Variants in IQSEC1 observed in about 807,000 individuals in gnomAD.
IQSEC1 encodes the protein IQ motif and Sec7 domain ArfGEF 1, also known as IQ motif and SEC7 domain-containing protein 1.
IQSEC1 carries 31 observed loss-of-function variants against 91.0 expected under a neutral mutation model. That is an observed-to-expected ratio of 0.34 (90% CI 0.26 to 0.46). The LOEUF (loss-of-function observed/expected upper bound fraction) is 0.46. IQSEC1 is among the 20% of genes least tolerant of loss of function. IQSEC1 has a pLI of 1.00. For synonymous variants in IQSEC1, 699 were observed against 662.6 expected (o/e 1.05, Z -0.84); for missense variants, 1,388 against 1,575.6 (o/e 0.88, Z 2.02).
chr3:13,194,450 C>T (rs1037444058), intron 1 of IQSEC1, among the ~76,000 whole-genome samples: 16 of 152,190 alleles, frequency 1.1e-4, no homozygotes, highest in African/African-American at 3.9e-4. Context: ...AGTGCCTCCT[C>T]CCAGCGTGCC....
At chr3:12,937,772 C>A (rs574791531) in intron 2 of IQSEC1, among the ~76,000 whole-genome samples, 1 of 152,204 alleles carries the variant, frequency 6.6e-6, no homozygotes, top group Non-Finnish European at 1.5e-5. Flanking sequence ...GTTCGTAAAG[C>A]CCCCAAGCTC....
At chr3:13,278,749 G>T (rs1453807829) in intron 1 of IQSEC1, among the ~76,000 whole-genome samples, 2 of 152,008 alleles carry the variant, frequency 1.3e-5, no homozygotes, top group Non-Finnish European at 2.9e-5. Flanking sequence ...AACCTGGGAG[G>T]CGGAACTTTC....
intron 1 of IQSEC1, among the ~76,000 whole-genome samples, chr3:13,276,453 C>T (rs753317761): frequency 6.6e-6 from 1 of 152,196 alleles, no homozygotes; most frequent in Non-Finnish European, 1.5e-5. Flanking sequence ...TGCGGGGCCA[C>T]AGGCAACTCC....
intron 1 of IQSEC1, among the ~76,000 whole-genome samples, chr3:13,218,707 C>T (rs1231080768): frequency 6.6e-6 from 1 of 152,170 alleles, no homozygotes; most frequent in African/African-American, 2.4e-5. Flanking sequence ...TCGGGGAGAC[C>T]CCTGACTGCC....
At chr3:12,978,226 T>A (rs186108506) in intron 1 of IQSEC1, among the ~76,000 whole-genome samples, 15 of 152,276 alleles carry the variant, frequency 9.9e-5, no homozygotes, top group African/African-American at 3.4e-4. Flanking sequence ...ACACAGCCCA[T>A]GTGATGAAGC....
chr3:13,191,477 A>ATTTTTTTTTTTTTTT (rs57912681), intron 1 of IQSEC1, among the ~76,000 whole-genome samples: 6 of 92,102 alleles, frequency 6.5e-5, no homozygotes, highest in African/African-American at 2.2e-4. Context: ...CACCCAGCTA[A>ATTTTTTTTTTTTTTT]TTTTTTTTTT....
chr3:13,069,234 T>C (rs1705335405), intron 1 of IQSEC1, among the ~76,000 whole-genome samples: 1 of 152,000 alleles, frequency 6.6e-6, no homozygotes, highest in Non-Finnish European at 1.5e-5. Context: ...AGACTGGGCC[T>C]CCGGTTCCCT....
chr3:13,276,860 TG>T lies in IQSEC1; in HGVS notation c.272+5850del, dbSNP rs201288116. ...AGCTTCAAGTCATTTGGTTGCAGCC[TG>T]GCCCGGGTCTGCCCTGGGTGGGGGC... On this transcript the variant is annotated intron_variant, in intron 1 of 15. Transcript: ENST00000648114. 9.0e-3 allele frequency among the ~76,000 whole-genome samples: 1,373 copies of T among 152,260 alleles called. 8 individuals are homozygous for T. Among genetic ancestry groups the T allele is most frequent in the Non-Finnish European group, 0.012 (848 of 68,014 alleles).
rs1695767104 is a variant in IQSEC1 at position 13,280,436 on chromosome 3, C to T, written c.272+2275G>A. Among the ~76,000 whole-genome samples the T allele has an allele frequency of 2.6e-5, 4 of 152,222 alleles. No homozygotes were observed. The South Asian group carries it at 6.2e-4, about 24-fold the overall frequency. ...TGAGCAGCCCCGGGGGGGCCCAGAA[C>T]CCCACGCATGTGAGCAGGCCATGTG... On this transcript the variant is annotated intron_variant, in intron 1 of 15. Transcript: ENST00000648114.
At position 13,191,477 on chromosome 3, in the gene IQSEC1, A is replaced by ATT. The variant is rs57912681; in HGVS notation, c.273-27346_273-27345dup. 1.2e-3 allele frequency among the ~76,000 whole-genome samples: 113 copies of ATT among 92,096 alleles called. 1 individual carries two copies. The highest frequency in any genetic ancestry group is 2.2e-3 in the African/African-American group (50 of 23,132). 60.4% of individuals were successfully genotyped at this position (92,096 alleles called of 152,430 possible). A position where few individuals can be genotyped will look rare whatever the true frequency, so the allele number is the denominator to read the frequency against. Reference sequence around the variant, plus strand: ...AGCTCCCAGTCCCCACACCCAGCTAATTTTTTTTTTTTTTTTTTTTTTTTT... The same window carrying ATT: ...AGCTCCCAGTCCCCACACCCAGCTAATTTTTTTTTTTTTTTTTTTTTTTTTTT... On this transcript the variant is annotated intron_variant, in intron 1 of 15. Coordinates refer to the IQSEC1 transcript ENST00000648114.
chr3:13,053,037 A>G (rs190131639), intron 1 of IQSEC1: 322 of 1,133,632 alleles, frequency 2.8e-4, no homozygotes, highest in Admixed American at 5.9e-4. Context: ...ACCAGTTTTC[A>G]TCCGAATCCA....
intron 1 of IQSEC1, among the ~76,000 whole-genome samples, chr3:13,225,283 G>A (rs1694732671): frequency 1.3e-5 from 2 of 152,354 alleles, no homozygotes; most frequent in African/African-American, 4.8e-5. Flanking sequence ...GCCCCATGGT[G>A]CCTTTTGATC....
chr3:13,057,550 T>C (rs1162098841), intron 1 of IQSEC1, among the ~76,000 whole-genome samples: 2 of 152,230 alleles, frequency 1.3e-5, no homozygotes, highest in East Asian at 1.9e-4. Flanking sequence ...CACGGGCTCT[T>C]CCAGTGAGTG....
At chr3:13,231,521 G>A (rs1694838935) in intron 1 of IQSEC1, among the ~76,000 whole-genome samples, 1 of 150,726 alleles carries the variant, frequency 6.6e-6, no homozygotes, top group South Asian at 2.1e-4. Context: ...ATTCCATCAT[G>A]AGGGCTCCAC....
chr3:13,209,599 T>C (rs1373392942), intron 1 of IQSEC1, among the ~76,000 whole-genome samples: 1 of 151,978 alleles, frequency 6.6e-6, no homozygotes, highest in Non-Finnish European at 1.5e-5. Context: ...GGGGCTAGGC[T>C]CTCCCTGCAG....
At chr3:13,184,327 T>C (rs1693894845) in intron 1 of IQSEC1, among the ~76,000 whole-genome samples, 1 of 152,236 alleles carries the variant, frequency 6.6e-6, no homozygotes, top group African/African-American at 2.4e-5. Flanking sequence ...ACAAATGTAA[T>C]TGACCATATC....
intron 1 of IQSEC1, among the ~76,000 whole-genome samples, chr3:13,072,103 G>A (rs993724242): frequency 1.1e-4 from 17 of 152,250 alleles, no homozygotes; most frequent in Admixed American, 7.2e-4. Context: ...TTGCGACTGA[G>A]CCCAGCTCAA....
intron 1 of IQSEC1, among the ~76,000 whole-genome samples, chr3:13,277,905 G>A (rs752620075): frequency 2.4e-4 from 37 of 152,044 alleles, no homozygotes; most frequent in Admixed American, 7.8e-4. Flanking sequence ...GGTGCTTCCC[G>A]GCCACTTTGA....
Position 12,899,744 on chromosome 3 carries a change from AC to A in IQSEC1, c.*1238del, listed in dbSNP as rs1202181371. The A allele has an allele frequency of 1.0e-6, 1 of 985,286 alleles. No homozygotes were observed. The highest frequency in any genetic ancestry group is 1.2e-6 in the Non-Finnish European group (1 of 829,928). 61.0% of individuals were successfully genotyped at this position (985,286 alleles called of 1,614,324 possible). On this transcript the variant is annotated 3_prime_UTR_variant, in exon 14 of 14. Transcript: ENST00000613206. ...CACACACACCGCCCTGGGTTGCTAA[AC>A]GCTAAAGTCAACCTTCAGGTTCGAG...
Sources: gnomAD v4.1 joint callset for allele counts (sites outside exome capture counted in the v4.1 genomes callset) on GRCh38, gnomAD v4.1.1 for gene constraint, MANE v1.5 for transcripts, NCBI Gene and HGNC (gene_info 2026-07-23, HGNC 2026-07-21) for gene names.